SBF2: variants seen among roughly 807,000 people sequenced by gnomAD.
SBF2 encodes myotubularin-related protein 13.
In SBF2, 112 loss-of-function variants were observed where a neutral mutation model predicts 225.2. The ratio of observed to expected loss-of-function variants is 0.50; its 90% CI spans 0.43 to 0.58. The LOEUF is 0.58. Ranked by LOEUF, SBF2 falls within the 20% of genes least tolerant of loss-of-function variation. The pLI, the probability that SBF2 is intolerant of heterozygous loss-of-function variation, is 0.00. For missense variants in SBF2, 1,996 were observed against 2,206.2 expected, an observed-to-expected ratio of 0.90 and a Z score of 1.91; for synonymous variants, 763 against 773.3, an observed-to-expected ratio of 0.99 and a Z score of 0.22.
At position 10,063,327 on chromosome 11, in the gene SBF2, A is replaced by T. The variant is rs868733197; in HGVS notation, c.142-20346T>A. On this transcript the variant is annotated intron_variant, in intron 2 of 39. Coordinates refer to ENST00000256190, the MANE Select transcript of SBF2 (RefSeq NM_030962.4). ...GTACCCTCTAACCTAAAGTAAAAAA[A>T]ATATATATATATATATATTTTTTTA... Among the ~76,000 whole-genome samples, 468 of 88,126 alleles carry T rather than the reference A, an allele frequency of 5.3e-3. 5 individuals are homozygous for T. Among genetic ancestry groups the T allele is most frequent in the East Asian group, 0.011 (49 of 4,552 alleles). 57.8% of individuals were successfully genotyped at this position (88,126 alleles called of 152,430 possible).
Position 9,911,615 on chromosome 11 carries a change from G to A in SBF2, c.1861-15604C>T, listed in dbSNP as rs140745516. ...AGTCTAAATGTAAAGTGTTTATAAA[G>A]TCTACAGTAGCATACAGTGATGTCC... On this transcript the variant is annotated intron_variant, in intron 16 of 39. Transcript: ENST00000256190. 1.6e-4 allele frequency among the ~76,000 whole-genome samples: 24 copies of A among 152,194 alleles called. No individual in the cohort carries two copies. In the East Asian group the frequency reaches 3.5e-3, roughly 22 times the overall value.
chr11:10,125,127 ATT>A (rs1398025611), intron 2 of SBF2, among the ~76,000 whole-genome samples: 77 of 148,562 alleles, frequency 5.2e-4, no homozygotes, highest in African/African-American at 1.8e-3. Flanking sequence ...AAAAAAAAAA[ATT>A]CTACTTAGAA....
chr11:9,911,630 C>A (rs1158417666), intron 16 of SBF2, among the ~76,000 whole-genome samples: 1 of 152,152 alleles, frequency 6.6e-6, no homozygotes, highest in Admixed American at 6.5e-5. Flanking sequence ...CAGTAGCATA[C>A]AGTGATGTCC....
chr11:9,807,369 C>T (rs1349826641), intron 32 of SBF2, among the ~76,000 whole-genome samples: 4 of 152,210 alleles, frequency 2.6e-5, no homozygotes, highest in African/African-American at 4.8e-5. Context: ...CCTGGGCTCC[C>T]ACTTATAAGT....
chr11:9,894,137 T>C (rs1026366835), intron 17 of SBF2, among the ~76,000 whole-genome samples: 6 of 151,976 alleles, frequency 3.9e-5, no homozygotes, highest in Non-Finnish European at 5.9e-5. Flanking sequence ...ATTGCAGCAC[T>C]TTGGGAGGCC....
chr11:10,216,738 C>T (rs1296336805), intron 1 of SBF2, among the ~76,000 whole-genome samples: 5 of 152,012 alleles, frequency 3.3e-5, no homozygotes, highest in African/African-American at 7.2e-5. Flanking sequence ...GGTGTGGTGG[C>T]GGGCCCCTGT....
chr11:10,029,953 C>T lies in SBF2; in HGVS notation c.403-78G>A, dbSNP rs990511770. The T allele has an allele frequency of 2.1e-4, 203 of 971,624 alleles. No homozygotes were observed. The African/African-American group carries it at 2.6e-3, about 13-fold the overall frequency. 60.2% of individuals were successfully genotyped at this position (971,624 alleles called of 1,614,324 possible). On this transcript the variant is annotated intron_variant, in intron 4 of 39. Coordinates refer to ENST00000256190, the MANE Select transcript of SBF2 (RefSeq NM_030962.4). ...AATTGTTATGACATCTGCTCTAGGA[C>T]GATTTCTCTTTGAACCCAGTAAAGT...
chr11:10,185,353 C>T (rs145198194), intron 2 of SBF2, among the ~76,000 whole-genome samples: 36 of 152,298 alleles, frequency 2.4e-4, no homozygotes, highest in African/African-American at 8.7e-4. Flanking sequence ...TACCATTTTC[C>T]ATAGTGGCTG....
At chr11:9,881,651 G>C (rs975966162) in intron 17 of SBF2, among the ~76,000 whole-genome samples, 1 of 152,150 alleles carries the variant, frequency 6.6e-6, no homozygotes, top group South Asian at 2.1e-4. Context: ...CTTCCCAGAA[G>C]TCATGTCAGC....
At chr11:9,790,899 A>G (rs1221122330) in intron 33 of SBF2, 1 of 442,760 alleles carries the variant, frequency 2.3e-6, no homozygotes, top group Non-Finnish European at 4.1e-6. Flanking sequence ...GAAACATCTG[A>G]TAAAGTTTGC....
At chr11:10,156,130 C>T (rs1955465091) in intron 2 of SBF2, among the ~76,000 whole-genome samples, 1 of 152,246 alleles carries the variant, frequency 6.6e-6, no homozygotes, top group African/African-American at 2.4e-5. Flanking sequence ...GCTCCTGTTC[C>T]CTGGCCTCTC....
chr11:10,267,105 A>T (rs1962072588), intron 1 of SBF2, among the ~76,000 whole-genome samples: 1 of 152,120 alleles, frequency 6.6e-6, no homozygotes, highest in Admixed American at 6.6e-5. Flanking sequence ...AATAAATTAA[A>T]TTAAATTAAA....
At position 9,871,470 on chromosome 11, in the gene SBF2, CTTA is replaced by C. The variant is rs375904547; in HGVS notation, c.1930-13077_1930-13075del. Among the ~76,000 whole-genome samples, 872 of 136,928 alleles carry C rather than the reference CTTA, an allele frequency of 6.4e-3. 11 individuals are homozygous for C. The highest frequency in any genetic ancestry group is 0.033 in the Middle Eastern group (9 of 276). The allele number at this position is 136,928 out of a possible 152,430, so 89.8% of individuals were successfully genotyped here. A position where few individuals can be genotyped will look rare whatever the true frequency, so the allele number is the denominator to read the frequency against. ...ACACCTCACACCAGACAGGATGACG[CTTA>C]TTATTATTATTATTATTATTATTAT... On this transcript the variant is annotated intron_variant, in intron 17 of 39. Coordinates refer to ENST00000256190, the MANE Select transcript of SBF2 (RefSeq NM_030962.4).
upstream of SBF2, among the ~76,000 whole-genome samples, chr11:10,296,492 G>C (rs914640310): frequency 9.9e-5 from 15 of 151,972 alleles, no homozygotes; most frequent in East Asian, 2.9e-3. Flanking sequence ...AGAAAGACCC[G>C]CCCCCATGAT....
At chr11:9,835,573 A>G (rs1264845434) in intron 26 of SBF2, among the ~76,000 whole-genome samples, 1 of 147,478 alleles carries the variant, frequency 6.8e-6, no homozygotes, top group Non-Finnish European at 1.5e-5. Context: ...TTGAGGCTGC[A>G]GTGAGTTGGA....
At chr11:10,275,224 ACAAT>A (rs1962862712) in intron 1 of SBF2, among the ~76,000 whole-genome samples, 1 of 152,218 alleles carries the variant, frequency 6.6e-6, no homozygotes, top group African/African-American at 2.4e-5. Flanking sequence ...AGAACACCAG[ACAAT>A]CAATCTGAAA....
intron 16 of SBF2, among the ~76,000 whole-genome samples, chr11:9,939,055 C>T (rs1225939939): frequency 2.6e-5 from 4 of 151,988 alleles, no homozygotes; most frequent in Admixed American, 2.6e-4. Flanking sequence ...AATAGAAAAG[C>T]CAAACAAGCA....
At chr11:10,071,553 G>A (rs912403251) in intron 2 of SBF2, among the ~76,000 whole-genome samples, 4 of 152,062 alleles carry the variant, frequency 2.6e-5, no homozygotes, top group South Asian at 2.1e-4. Context: ...GGTGTGAGCC[G>A]CCGTGCCCGG....
intron 14 of SBF2, among the ~76,000 whole-genome samples, chr11:9,965,650 A>G (rs1214922390): frequency 2.0e-5 from 3 of 152,158 alleles, no homozygotes; most frequent in Non-Finnish European, 4.4e-5. Flanking sequence ...TACAAAGAAG[A>G]TCTTTGTACT....
Sources: allele counts gnomAD v4.1 joint callset (sites outside exome capture counted in the v4.1 genomes callset), GRCh38; gene constraint gnomAD v4.1.1; transcripts MANE v1.5; gene names NCBI Gene and HGNC (gene_info 2026-07-23, HGNC 2026-07-21).